MICU3: variants seen among roughly 807,000 people sequenced by gnomAD.
MICU3 encodes calcium uptake protein 3, mitochondrial.
In MICU3, 62 loss-of-function variants were observed where a neutral mutation model predicts 66.5. The ratio of observed to expected loss-of-function variants is 0.93; its 90% CI spans 0.76 to 1.15. The LOEUF is 1.15. Ranked by LOEUF, MICU3 falls within the 50% of genes most tolerant of loss-of-function variation. MICU3 has a pLI of 0.00. For missense variants in MICU3, 779 were observed against 664.4 expected, an observed-to-expected ratio of 1.17 and a Z score of -1.90; for synonymous variants, 308 against 240.7, an observed-to-expected ratio of 1.28 and a Z score of -2.59.
intron 8 of MICU3, among the ~76,000 whole-genome samples, chr8:17,096,183 A>G (rs1800666886): frequency 1.3e-5 from 2 of 151,948 alleles, no homozygotes; most frequent in Admixed American, 1.3e-4. Flanking sequence ...AAAGCATCAT[A>G]GTTGTCTGTT....
At position 17,027,357 on chromosome 8, in the gene MICU3, G is replaced by C; in HGVS notation, c.78G>C (p.Gly26=). The C allele has an allele frequency of 2.7e-6, 4 of 1,505,556 alleles. No homozygotes were observed. The highest frequency in any genetic ancestry group is 2.6e-6 in the Non-Finnish European group (3 of 1,137,056). 93.3% of individuals were successfully genotyped at this position (1,505,556 alleles called of 1,614,324 possible). Residue 26 remains glycine, a synonymous_variant, in exon 1 of 15, where the codon GGG becomes GGC. Transcript: ENST00000318063. ...PPLCAHQPLL[G]PWGRPAVTTL... is the part of the protein sequence containing the mutation. ...TCTGCGCTCACCAGCCCCTCCTTGG[G>C]CCGTGGGGGCGGCCTGCGGTGACCA... is the stretch of plus-strand genomic sequence containing the variant.
At chr8:17,136,622 A>G in the MICU3 span, among the ~76,000 whole-genome samples, 3 of 152,120 alleles carry the variant, frequency 2.0e-5, no homozygotes, top group African/African-American at 7.2e-5. Flanking sequence ...CTGTCTTGCC[A>G]AGGGCCTCAC....
chr8:17,030,654 A>G (rs921958068), intron 1 of MICU3, among the ~76,000 whole-genome samples: 6 of 152,264 alleles, frequency 3.9e-5, no homozygotes, highest in Admixed American at 2.6e-4. Flanking sequence ...AAGCAGGCAC[A>G]GGTGCACATA....
chr8:17,087,417 C>A (rs186668998), intron 7 of MICU3, among the ~76,000 whole-genome samples: 1 of 151,750 alleles, frequency 6.6e-6, no homozygotes, highest in African/African-American at 2.4e-5. Context: ...ACTGTCGAAA[C>A]GAATAGAAGG....
At chr8:17,032,318 T>C (rs1812218676) in intron 1 of MICU3, among the ~76,000 whole-genome samples, 1 of 152,220 alleles carries the variant, frequency 6.6e-6, no homozygotes, top group South Asian at 2.1e-4. Flanking sequence ...CTCAAAGTTT[T>C]AGCCTTAAAG....
At chr8:17,065,728 A>T (rs898600886) in intron 2 of MICU3, among the ~76,000 whole-genome samples, 1 of 152,178 alleles carries the variant, frequency 6.6e-6, no homozygotes, top group Non-Finnish European at 1.5e-5. Flanking sequence ...ATGGTTTTTT[A>T]AAATGATGTT....
chr8:17,103,454 A>C (rs1410392461), intron 9 of MICU3, among the ~76,000 whole-genome samples: 2 of 151,906 alleles, frequency 1.3e-5, no homozygotes, highest in Non-Finnish European at 2.9e-5. Context: ...TTCTTGAATA[A>C]AAAATAGGAT....
At chr8:17,027,754 C>T (rs1431518752) in intron 1 of MICU3, 94 bp downstream of exon 1, 1 of 1,234,532 alleles carries the variant, frequency 8.1e-7, no homozygotes, top group Non-Finnish European at 1.0e-6. Context: ...GGTGCAAGCG[C>T]TGTGGCCGCG....
intron 1 of MICU3, among the ~76,000 whole-genome samples, chr8:17,050,663 T>C (rs117745387): frequency 0.039 from 5,913 of 152,266 alleles, 171 homozygotes; most frequent in Non-Finnish European, 0.059. Flanking sequence ...AGTTTTTCCA[T>C]TATGTAATTT....
At chr8:17,034,496 C>T (rs1306903486) in intron 1 of MICU3, among the ~76,000 whole-genome samples, 2 of 152,208 alleles carry the variant, frequency 1.3e-5, no homozygotes, top group Non-Finnish European at 2.9e-5. Context: ...TCTGATGGAT[C>T]TGGGCAAAGT....
chr8:17,043,017 G>A (rs1385901934), intron 1 of MICU3, among the ~76,000 whole-genome samples: 1 of 132,236 alleles, frequency 7.6e-6, no homozygotes, highest in Non-Finnish European at 1.5e-5. Flanking sequence ...CCGGCTCACT[G>A]CAAGCTCCGC....
chr8:17,098,320 C>G, intron 8 of MICU3, 138 bp from the exon 9 acceptor site: 1 of 717,124 alleles, frequency 1.4e-6, no homozygotes, highest in Non-Finnish European at 2.5e-6. Flanking sequence ...TGGTGCACAG[C>G]AGAAAACAAA....
the MICU3 span, among the ~76,000 whole-genome samples, chr8:17,137,325 G>C: frequency 1.3e-5 from 2 of 151,968 alleles, no homozygotes; most frequent in Non-Finnish European, 2.9e-5. Context: ...AATATAAGCA[G>C]TAAACATCAT....
intron 1 of MICU3, among the ~76,000 whole-genome samples, chr8:17,033,496 C>T (rs372682852): frequency 3.3e-5 from 5 of 151,914 alleles, no homozygotes; most frequent in African/African-American, 7.3e-5. Context: ...AGTGCAGTGG[C>T]GTGATCTCCA....
At chr8:17,031,503 G>C (rs2150478954) in intron 1 of MICU3, among the ~76,000 whole-genome samples, 1 of 151,692 alleles carries the variant, frequency 6.6e-6, no homozygotes, top group East Asian at 1.9e-4. Context: ...TGGCTATGCT[G>C]GTCTCAAACT....
At chr8:17,066,788 C>A (rs1435068143) in intron 2 of MICU3, among the ~76,000 whole-genome samples, 2 of 151,898 alleles carry the variant, frequency 1.3e-5, no homozygotes, top group African/African-American at 4.8e-5. Flanking sequence ...CTCGAGCAGT[C>A]CACCTGCCTC....
intron 11 of MICU3, among the ~76,000 whole-genome samples, chr8:17,108,951 G>A (rs574353693): frequency 2.0e-5 from 3 of 152,144 alleles, no homozygotes; most frequent in South Asian, 4.1e-4. Context: ...CAAATCTTCT[G>A]TCTTAGGGCT....
chr8:17,078,856 T>C (rs1389918338), intron 4 of MICU3, among the ~76,000 whole-genome samples: 1 of 152,008 alleles, frequency 6.6e-6, no homozygotes, highest in African/African-American at 2.4e-5. Context: ...CCAAAGTGTC[T>C]TAAAAAAAAT....
At chr8:17,062,073 C>T (rs940885158) in intron 1 of MICU3, among the ~76,000 whole-genome samples, 5 of 152,126 alleles carry the variant, frequency 3.3e-5, no homozygotes, top group Admixed American at 6.5e-5. Context: ...AATTAAACTC[C>T]GGGGCTTTAG....
Sources: allele counts gnomAD v4.1 joint callset (sites outside exome capture counted in the v4.1 genomes callset), GRCh38; gene constraint gnomAD v4.1.1; transcripts MANE v1.5; gene names NCBI Gene and HGNC (gene_info 2026-07-23, HGNC 2026-07-21).